The following UBE3B variants were observed in gnomAD, a reference collection of about 807,000 sequenced individuals.
The protein encoded by UBE3B is ubiquitin-protein ligase E3B.
UBE3B carries 80 observed loss-of-function variants against 132.3 expected under a neutral mutation model. The observed-to-expected ratio is 0.60, with a 90% confidence interval of 0.50 to 0.73. The LOEUF (loss-of-function observed/expected upper bound fraction) is 0.73, where lower values mean the gene tolerates loss of function less well. UBE3B is among the 30% of genes least tolerant of loss of function. UBE3B has a pLI of 0.00. For synonymous variants in UBE3B, 487 were observed against 520.4 expected (o/e 0.94, Z 0.87); for missense variants, 1,196 against 1,362.5 (o/e 0.88, Z 1.92).
chr12:109,534,654 G>T lies in UBE3B; in HGVS notation c.3079G>T (p.Gly1027Cys), dbSNP rs759737421. The T allele has an allele frequency of 6.2e-7, 1 of 1,611,880 alleles. No homozygotes were observed. Among genetic ancestry groups the T allele is most frequent in the South Asian group, 1.1e-5 (1 of 90,788 alleles). ...GFFTIRKREPGGRLPTSSTCF... is the reference protein window; with the variant it reads ...GFFTIRKREPCGRLPTSSTCF... ...CTTCACCATCCGCAAGCGGGAGCCA[G>T]GCGGCCGCCTGCCCACCTCCTCCAC... Residue 1027 changes from glycine (G) to cysteine (C), a missense_variant, in exon 28 of 28, where the codon GGC (glycine) becomes TGC (cysteine). Coordinates refer to ENST00000342494, the MANE Select transcript of UBE3B (RefSeq NM_130466.4). This position sits in a 1 kb window ranked among gnomAD's most constrained non-coding sequence, Gnocchi z 5.2.
intron 18 of UBE3B, among the ~76,000 whole-genome samples, chr12:109,515,782 G>A (rs1412964848): frequency 6.6e-6 from 1 of 152,204 alleles, no homozygotes; most frequent in East Asian, 1.9e-4. Context: ...TGATTTAAAT[G>A]GTATTAGGGT....
chr12:109,512,848 G>A (rs2287190), intron 18 of UBE3B, among the ~76,000 whole-genome samples: 13,023 of 152,236 alleles, frequency 0.086, 1,302 homozygotes, highest in African/African-American at 0.24. Flanking sequence ...CCTTCCTTGA[G>A]GGAGCCCCTG....
At chr12:109,539,730 G>A (rs931629021), downstream of UBE3B, among the ~76,000 whole-genome samples, 1 of 152,174 alleles carries the variant, frequency 6.6e-6, no homozygotes, top group African/African-American at 2.4e-5. Context: ...CTTGCAAGAC[G>A]CTTTGGCTGA....
chr12:109,486,580 C>CAAAAAAAAAAAAAAAA lies in UBE3B; in HGVS notation c.447+13_447+28dup, dbSNP rs201336062. ...GATTTTCTCAAGCAGCTCAAGGTAA[C>CAAAAAAAAAAAAAAAA]AAAAAAAAAAAAAAAAAAAAAAAGC... On this transcript the variant is annotated splice_donor_region_variant and intron_variant, in intron 6 of 27. Coordinates refer to ENST00000342494, the MANE Select transcript of UBE3B (RefSeq NM_130466.4). 22 of 562,750 alleles carry CAAAAAAAAAAAAAAAA rather than the reference C, an allele frequency of 3.9e-5. No homozygotes were observed. The highest frequency in any genetic ancestry group is 1.9e-4 in the East Asian group (4 of 20,894). The allele number at this position is 562,750 out of a possible 1,614,324, so 34.9% of individuals were successfully genotyped here. A position where few individuals can be genotyped will look rare whatever the true frequency, so the allele number is the denominator to read the frequency against.
In UBE3B at chr12:109,490,979, C is replaced by T. The variant is rs80188905; in HGVS notation, c.631-66C>T. ...CTGAAGCACTCAGTTTACTTTTTTG[C>T]TCTTTTATGTACAAATGAATATAAA... On this transcript the variant is annotated intron_variant, in intron 8 of 27. Coordinates refer to ENST00000342494, the MANE Select transcript of UBE3B (RefSeq NM_130466.4). 11 of 1,533,812 alleles carry T rather than the reference C, an allele frequency of 7.2e-6. No homozygotes were observed. The Admixed American group carries it at 9.4e-5, about 13-fold the overall frequency.
chr12:109,534,040 T>C lies in UBE3B; in HGVS notation c.3015+482T>C. ...TACGGAGCTCTGTGTGTCTCAAGCC[T>C]GGCCCACTGTGGGTGCTCAAATGAG... On this transcript the variant is annotated intron_variant, in intron 27 of 27. Transcript: ENST00000342494. This position sits in a 1 kb window ranked among gnomAD's most constrained non-coding sequence, Gnocchi z 5.2. The C allele has an allele frequency of 7.7e-7, 1 of 1,294,668 alleles. No homozygotes were observed. The highest frequency in any genetic ancestry group is 1.0e-6 in the Non-Finnish European group (1 of 992,778). 80.2% of individuals were successfully genotyped at this position (1,294,668 alleles called of 1,614,324 possible).
intron 2 of UBE3B, 44 bp from the exon 3 acceptor site, chr12:109,483,487 T>C (rs1273996440): frequency 1.3e-6 from 2 of 1,502,976 alleles, no homozygotes; most frequent in African/African-American, 1.4e-5. Flanking sequence ...TGTGTGTTTT[T>C]CACACAACAA....
In UBE3B at chr12:109,519,907, T is replaced by G. The variant is rs1881495350; in HGVS notation, c.2077-1241T>G. The G allele has an allele frequency of 2.7e-5, 4 of 149,412 alleles. No homozygotes were observed. The South Asian group carries it at 8.4e-4, about 32-fold the overall frequency. The allele number at this position is 149,412 out of a possible 1,614,324, so 9.3% of individuals were successfully genotyped here. A position where few individuals can be genotyped will look rare whatever the true frequency, so the allele number is the denominator to read the frequency against. On this transcript the variant is annotated intron_variant, in intron 19 of 27. Coordinates refer to ENST00000342494, the MANE Select transcript of UBE3B (RefSeq NM_130466.4). Reference sequence around the variant, plus strand: ...CCTGAATCGGGGCACCATAGGATAGTCCTTTGGGGATCACTGGGTGAACAT... The same window carrying G: ...CCTGAATCGGGGCACCATAGGATAGGCCTTTGGGGATCACTGGGTGAACAT...
intron 12 of UBE3B, among the ~76,000 whole-genome samples, chr12:109,500,336 T>C (rs763633854): frequency 2.6e-5 from 4 of 152,242 alleles, no homozygotes; most frequent in Non-Finnish European, 5.9e-5. Flanking sequence ...ATTTGAAATA[T>C]CTACCTGAGC....
rs1592947068 is a variant in UBE3B, at chr12:109,517,010, G to A, written c.2076+126G>A. 5.7e-6 allele frequency: 8 copies of A among 1,404,186 alleles called. No individual in the cohort carries two copies. The East Asian group carries it at 2.0e-4, about 35-fold the overall frequency. 87.0% of individuals were successfully genotyped at this position (1,404,186 alleles called of 1,614,324 possible). A position where few individuals can be genotyped will look rare whatever the true frequency, so the allele number is the denominator to read the frequency against. ...TCCTTGATCTGAAATTAAGGCTCTG[G>A]GAGCAGGAAAGGGGTCATTTGTCCT... On this transcript the variant is annotated intron_variant, in intron 19 of 27. Coordinates refer to ENST00000342494, the MANE Select transcript of UBE3B (RefSeq NM_130466.4).
At position 109,483,667 on chromosome 12, in the gene UBE3B, A is replaced by G. The variant is rs753826150; in HGVS notation, c.116A>G (p.His39Arg). The G allele has an allele frequency of 1.2e-6, 2 of 1,612,252 alleles. No individual in the cohort carries two copies. The highest frequency in any genetic ancestry group is 2.7e-5 in the African/African-American group (2 of 74,784). The part of the protein sequence containing the change: ...RERAAVVIQA[H>R]VRSFLCRSRL... Reference sequence around the variant, plus strand: ...CGGGCAGCTGTTGTGATCCAGGCCCATGTCCGGAGTTTTCTCTGTCGGAGT... The same window carrying G: ...CGGGCAGCTGTTGTGATCCAGGCCCGTGTCCGGAGTTTTCTCTGTCGGAGT... The change falls in exon 3 of 28, where the codon CAT (histidine) becomes CGT (arginine). Residue 39 changes from histidine (H) to arginine (R), a missense_variant. By Grantham distance (29) the His-to-Arg change is conservative. Coordinates refer to ENST00000342494, the MANE Select transcript of UBE3B (RefSeq NM_130466.4).
intron 19 of UBE3B, among the ~76,000 whole-genome samples, chr12:109,517,679 G>C (rs1434814908): frequency 6.6e-6 from 1 of 152,180 alleles, no homozygotes; most frequent in African/African-American, 2.4e-5. Context: ...CCATTCCCTG[G>C]AGAGGCTTGG....
chr12:109,499,572 G>A, intron 11 of UBE3B, 61 bp from the exon 12 acceptor site: 1 of 1,430,450 alleles, frequency 7.0e-7, no homozygotes, highest in South Asian at 1.5e-5. Flanking sequence ...GCAGGGAGCA[G>A]GGCCGGGAGG....
rs747461682 is a variant in UBE3B at position 109,498,228 on chromosome 12, T to G, written c.820-5T>G. 6.2e-7 allele frequency: 1 copy of G among 1,614,006 alleles called. No homozygotes were observed. The highest frequency in any genetic ancestry group is 1.7e-5 in the Admixed American group (1 of 60,004). On this transcript the variant is annotated splice_region_variant and splice_polypyrimidine_tract_variant and intron_variant, in intron 10 of 27. Transcript: ENST00000342494. ...TCTGATTTAACGGTCTGCTATTCTT[T>G]GCAGCGCCTCACTGTTTTAGAATCC...
Position 109,489,087 on chromosome 12 carries a change from G to A in UBE3B, c.544+419G>A, listed in dbSNP as rs111651117. Reference sequence around the variant, plus strand: ...TCGTTAGTGCCGTGTGTTTCATATGGTCATTTCATTCATCTGTTCAACAAG... The same window carrying A: ...TCGTTAGTGCCGTGTGTTTCATATGATCATTTCATTCATCTGTTCAACAAG... On this transcript the variant is annotated intron_variant, in intron 7 of 27. Coordinates refer to ENST00000342494, the MANE Select transcript of UBE3B (RefSeq NM_130466.4). Among the ~76,000 whole-genome samples, 342 of 152,222 alleles carry A rather than the reference G, an allele frequency of 2.2e-3. 1 individual carries two copies. Among genetic ancestry groups the A allele is most frequent in the African/African-American group, 7.7e-3 (319 of 41,532 alleles).
intron 14 of UBE3B, among the ~76,000 whole-genome samples, chr12:109,506,153 C>T (rs1879642510): frequency 6.6e-6 from 1 of 152,208 alleles, no homozygotes; most frequent in East Asian, 1.9e-4. Flanking sequence ...CTACCACAGT[C>T]ATTGACTGCA....
rs1322584172 is a variant in UBE3B, at chr12:109,535,363, T to C, written c.*581T>C. On this transcript the variant is annotated 3_prime_UTR_variant, in exon 28 of 28. Transcript: ENST00000342494. ...AAGCGCAGGCGCCTGCTAGGGACGCTATGGACACCGTGAGTCCAAGGCGCT... is the reference window on the plus strand; with the variant it reads ...AAGCGCAGGCGCCTGCTAGGGACGCCATGGACACCGTGAGTCCAAGGCGCT... The C allele has an allele frequency of 6.6e-6, 1 of 152,388 alleles. No homozygotes were observed. The highest frequency in any genetic ancestry group is 2.1e-4 in the South Asian group (1 of 4,824). The allele number at this position is 152,388 out of a possible 1,614,324, so 9.4% of individuals were successfully genotyped here. A position where few individuals can be genotyped will look rare whatever the true frequency, so the allele number is the denominator to read the frequency against.
the UBE3B span, among the ~76,000 whole-genome samples, chr12:109,546,707 T>A: frequency 6.6e-6 from 1 of 152,224 alleles, no homozygotes; most frequent in Non-Finnish European, 1.5e-5. Context: ...GGCACTGGGA[T>A]TCAATCTCAT....
Position 109,536,543 on chromosome 12 carries a change from T to C in UBE3B, c.*1761T>C, listed in dbSNP as rs1566122219. 2 of 152,234 alleles carry C rather than the reference T, an allele frequency of 1.3e-5. No individual in the cohort carries two copies. The highest frequency in any genetic ancestry group is 2.9e-5 in the Non-Finnish European group (2 of 68,046). The allele number at this position is 152,234 out of a possible 1,614,324, so 9.4% of individuals were successfully genotyped here. On this transcript the variant is annotated 3_prime_UTR_variant, in exon 28 of 28. Transcript: ENST00000342494. ...AAATTCTTTTCAGCAGCTGGAAATATTGCACTATCTGAAACACTGAATCTC... is the reference window on the plus strand; with the variant it reads ...AAATTCTTTTCAGCAGCTGGAAATACTGCACTATCTGAAACACTGAATCTC...
Sources: allele counts gnomAD v4.1 joint callset (sites outside exome capture counted in the v4.1 genomes callset), GRCh38; gene constraint gnomAD v4.1.1; non-coding constraint Gnocchi (gnomAD v3.1); transcripts MANE v1.5; gene names NCBI Gene and HGNC (gene_info 2026-07-23, HGNC 2026-07-21).